The following UBTD1 variants were observed in gnomAD, a reference collection of about 807,000 sequenced individuals.
UBTD1 encodes the protein ubiquitin domain containing 1.
Under a neutral mutation model 21.7 loss-of-function variants are expected in UBTD1, and 19 were observed. That is an observed-to-expected ratio of 0.87 (90% confidence interval 0.61 to 1.28). The LOEUF (loss-of-function observed/expected upper bound fraction) is 1.28. Ranked by LOEUF, UBTD1 falls within the 50% of genes most tolerant of loss-of-function variation. UBTD1 has a pLI of 0.00. For synonymous variants in UBTD1, 116 were observed against 135.1 expected (o/e 0.86, Z 0.98); for missense variants, 282 against 315.1 (o/e 0.89, Z 0.80).
At chr10:97,565,805 T>G (rs1049631383) in intron 1 of UBTD1, among the ~76,000 whole-genome samples, 3 of 152,134 alleles carry the variant, frequency 2.0e-5, no homozygotes, top group Non-Finnish European at 4.4e-5. Flanking sequence ...TCAACCTTTC[T>G]GGGCTCAGGT....
chr10:97,557,979 A>T (rs1480249658), intron 1 of UBTD1, among the ~76,000 whole-genome samples: 2 of 152,222 alleles, frequency 1.3e-5, no homozygotes, highest in Non-Finnish European at 2.9e-5. Context: ...TCCTTACTGT[A>T]CAAGTCTAAA....
intron 1 of UBTD1, 37 bp from the exon 2 acceptor site, chr10:97,567,877 T>C (rs1212246883): frequency 1.9e-6 from 3 of 1,608,636 alleles, no homozygotes; most frequent in South Asian, 1.1e-5. Flanking sequence ...CTCAAGTGGC[T>C]TTAGAGATGC....
At chr10:97,569,733 C>A (rs1476525037) in intron 2 of UBTD1, among the ~76,000 whole-genome samples, 1 of 152,120 alleles carries the variant, frequency 6.6e-6, no homozygotes, top group Non-Finnish European at 1.5e-5. Context: ...CGTCTTCTTG[C>A]TGTGTCCTCA....
chr10:97,514,758 T>G (rs541221480), intron 1 of UBTD1, among the ~76,000 whole-genome samples: 8 of 152,330 alleles, frequency 5.3e-5, no homozygotes, highest in Admixed American at 5.2e-4. Flanking sequence ...TTGCACCGTT[T>G]TTCAAAGCTA....
chr10:97,546,440 A>C (rs542723674), intron 1 of UBTD1, among the ~76,000 whole-genome samples: 1 of 152,126 alleles, frequency 6.6e-6, no homozygotes, highest in East Asian at 1.9e-4. Flanking sequence ...AATCAAAAAA[A>C]TTAGCCGAAT....
chr10:97,529,209 G>A (rs1464057418), intron 1 of UBTD1, among the ~76,000 whole-genome samples: 7 of 151,498 alleles, frequency 4.6e-5, no homozygotes, highest in African/African-American at 7.3e-5. Flanking sequence ...ATGGGATGGC[G>A]GCCGGGAAGA....
chr10:97,519,801 G>C (rs1364125732), intron 1 of UBTD1, among the ~76,000 whole-genome samples: 1 of 152,144 alleles, frequency 6.6e-6, no homozygotes, highest in Non-Finnish European at 1.5e-5. Flanking sequence ...TGATTAAAAG[G>C]GGGTATGTGC....
intron 1 of UBTD1, 123 bp downstream of exon 1, chr10:97,499,396 G>T: frequency 7.1e-6 from 9 of 1,264,108 alleles, no homozygotes; most frequent in Non-Finnish European, 9.5e-6. Context: ...CCGATGGGCT[G>T]CTCCGCAGCC....
chr10:97,526,854 CA>C (rs35330483), intron 1 of UBTD1, among the ~76,000 whole-genome samples: 131 of 63,310 alleles, frequency 2.1e-3, no homozygotes, highest in South Asian at 0.015. Flanking sequence ...GACTCCGTCT[CA>C]AAAAAAAAAA....
chr10:97,536,963 A>G (rs1029360595), intron 1 of UBTD1, among the ~76,000 whole-genome samples: 2 of 152,010 alleles, frequency 1.3e-5, no homozygotes, highest in Admixed American at 6.6e-5. Flanking sequence ...TGACCTTCGG[A>G]GAGGTACAGA....
At chr10:97,508,224 T>A (rs1215287635) in intron 1 of UBTD1, among the ~76,000 whole-genome samples, 2 of 152,278 alleles carry the variant, frequency 1.3e-5, no homozygotes, top group Non-Finnish European at 2.9e-5. Context: ...GAGCTGGGAC[T>A]GGAACCCAGG....
chr10:97,499,419 T>TTG, intron 1 of UBTD1, 146 bp downstream of exon 1: 1 of 1,062,542 alleles, frequency 9.4e-7, no homozygotes, highest in Non-Finnish European at 1.3e-6. Context: ...AGGGGGCCGC[T>TTG]CCCCAGCGCC....
intron 2 of UBTD1, among the ~76,000 whole-genome samples, chr10:97,568,763 TAGC>T (rs760656011): frequency 5.3e-5 from 8 of 152,176 alleles, no homozygotes; most frequent in Non-Finnish European, 1.2e-4. Flanking sequence ...CGTAAGTTCA[TAGC>T]AGTCTTATGG....
intron 1 of UBTD1, among the ~76,000 whole-genome samples, chr10:97,509,282 T>G (rs919589369): frequency 3.9e-5 from 6 of 152,220 alleles, no homozygotes; most frequent in African/African-American, 1.4e-4. Flanking sequence ...GCAGAAATCA[T>G]AGAGAGGGCA....
chr10:97,519,080 G>A (rs10882952), intron 1 of UBTD1, among the ~76,000 whole-genome samples: 32,953 of 152,130 alleles, frequency 0.22, 3,948 homozygotes, highest in Non-Finnish European at 0.27. Flanking sequence ...AGGAGGAGAC[G>A]GCCATGGGCC....
chr10:97,539,015 G>A (rs1374614263), intron 1 of UBTD1, among the ~76,000 whole-genome samples: 1 of 152,238 alleles, frequency 6.6e-6, no homozygotes, highest in Non-Finnish European at 1.5e-5. Context: ...TTAGGGCCAT[G>A]CCTGGCAGTG....
chr10:97,514,975 G>T (rs2040438474), intron 1 of UBTD1, among the ~76,000 whole-genome samples: 1 of 152,168 alleles, frequency 6.6e-6, no homozygotes, highest in Admixed American at 6.5e-5. Flanking sequence ...ATAGGATCTG[G>T]CATAAATAAC....
At chr10:97,528,792 C>T (rs1477586424) in intron 1 of UBTD1, among the ~76,000 whole-genome samples, 4 of 135,642 alleles carry the variant, frequency 2.9e-5, no homozygotes, top group Non-Finnish European at 4.9e-5. Flanking sequence ...ACCTCCCTCC[C>T]GGACGGGGCG....
chr10:97,553,993 C>T (rs929234935), intron 1 of UBTD1, among the ~76,000 whole-genome samples: 2 of 152,188 alleles, frequency 1.3e-5, no homozygotes, highest in South Asian at 4.1e-4. Flanking sequence ...GAAGGCTACT[C>T]TGGGGGAGCT....
Sources: allele counts gnomAD v4.1 joint callset (sites outside exome capture counted in the v4.1 genomes callset), GRCh38; gene constraint gnomAD v4.1.1; transcripts MANE v1.5; gene names NCBI Gene and HGNC (gene_info 2026-07-23, HGNC 2026-07-21).